The following MECOM variants were observed in gnomAD, a reference collection of about 807,000 sequenced individuals.
MECOM encodes histone-lysine N-methyltransferase MECOM.
Under a neutral mutation model 116.3 loss-of-function variants are expected in MECOM, and 13 were observed. That is an observed-to-expected ratio of 0.11 (90% confidence interval 0.07 to 0.18). The LOEUF (loss-of-function observed/expected upper bound fraction) is 0.18. Ranked by LOEUF, MECOM falls within the 10% of genes least tolerant of loss-of-function variation. The pLI, the probability that MECOM is intolerant of heterozygous loss-of-function variation, is 1.00. For missense variants in MECOM, 1,299 were observed against 1,509.0 expected, an observed-to-expected ratio of 0.86 and a Z score of 2.31; for synonymous variants, 528 against 535.2, an observed-to-expected ratio of 0.99 and a Z score of 0.19.
chr3:169,505,024 G>A (rs564624644), intron 1 of MECOM, among the ~76,000 whole-genome samples: 2 of 152,186 alleles, frequency 1.3e-5, no homozygotes, highest in Admixed American at 1.3e-4. Context: ...ACTGACACAT[G>A]ACTGTTCTCT....
At chr3:169,110,664 T>C (rs771511803) in intron 9 of MECOM, among the ~76,000 whole-genome samples, 9 of 152,186 alleles carry the variant, frequency 5.9e-5, no homozygotes, top group Non-Finnish European at 1.2e-4. Context: ...ACATTGGCAG[T>C]TGATGCAGCA....
chr3:169,143,654 C>CT (rs1361430160), intron 3 of MECOM, 44 bp downstream of exon 3: 1 of 1,494,242 alleles, frequency 6.7e-7, no homozygotes, highest in Admixed American at 2.1e-5. Flanking sequence ...TCCAGTGATA[C>CT]TTTTGTGCTC....
chr3:169,195,546 C>T lies in MECOM; in HGVS notation c.376-51714G>A, dbSNP rs193265891. On this transcript the variant is annotated intron_variant, in intron 2 of 16. Coordinates refer to ENST00000651503, the MANE Select transcript of MECOM (RefSeq NM_004991.4). ...TAGGTTGTGAGATAACTTTTATTAACGCCAGTTAATTCCTTCCTCAGGCCT... is the reference window on the plus strand; with the variant it reads ...TAGGTTGTGAGATAACTTTTATTAATGCCAGTTAATTCCTTCCTCAGGCCT... Among the ~76,000 whole-genome samples, 503 of 152,130 alleles carry T rather than the reference C, an allele frequency of 3.3e-3. 2 individuals are homozygous for T. The highest frequency in any genetic ancestry group is 5.6e-3 in the Non-Finnish European group (384 of 67,972).
At chr3:169,256,306 G>A (rs535870541) in intron 2 of MECOM, among the ~76,000 whole-genome samples, 4 of 150,766 alleles carry the variant, frequency 2.7e-5, no homozygotes, top group Non-Finnish European at 5.9e-5. Flanking sequence ...CTACTGTGAC[G>A]TAAAGGATAT....
rs542542502 is a variant in MECOM, at chr3:169,346,603, AG to A, written c.375+34583del. 5.0e-3 allele frequency among the ~76,000 whole-genome samples: 766 copies of A among 152,104 alleles called. 5 individuals are homozygous for A. Among genetic ancestry groups the A allele is most frequent in the African/African-American group, 0.017 (712 of 41,530 alleles). On this transcript the variant is annotated intron_variant, in intron 2 of 16. Transcript: ENST00000651503. ...AAGTCATTTTATGTCAGCAAGCCACAGGGGGAAAAAATGCACTTCAATGACA... is the reference window on the plus strand; with the variant it reads ...AAGTCATTTTATGTCAGCAAGCCACAGGGGAAAAAATGCACTTCAATGACA...
intron 1 of MECOM, among the ~76,000 whole-genome samples, chr3:169,463,675 T>G (rs1578170368): frequency 1.3e-5 from 2 of 152,334 alleles, no homozygotes; most frequent in East Asian, 3.9e-4. Flanking sequence ...TTGTTCTACT[T>G]TGATAGTAAA....
At position 169,611,929 on chromosome 3, in the gene MECOM, T is replaced by C. The variant is rs1222213512; in HGVS notation, c.37+51407A>G. Among the ~76,000 whole-genome samples, 1 of 152,206 alleles carries C rather than the reference T, an allele frequency of 6.6e-6. No individual in the cohort carries two copies. The highest frequency in any genetic ancestry group is 1.5e-5 in the Non-Finnish European group (1 of 68,042). On this transcript the variant is annotated intron_variant, in intron 1 of 16. Coordinates refer to ENST00000651503, the MANE Select transcript of MECOM (RefSeq NM_004991.4). The surrounding 1 kb of genome is among the most constrained non-coding windows in gnomAD (Gnocchi z 4.1). ...ACACGGTTTCTAAATCTCAACGCTATTGACATTTTGAGCCAGATAATTCTT... is the reference window on the plus strand; with the variant it reads ...ACACGGTTTCTAAATCTCAACGCTACTGACATTTTGAGCCAGATAATTCTT...
At chr3:169,250,693 T>C (rs1756143135) in intron 2 of MECOM, among the ~76,000 whole-genome samples, 1 of 152,192 alleles carries the variant, frequency 6.6e-6, no homozygotes, top group South Asian at 2.1e-4. Context: ...ACCATGATTT[T>C]TGATGAAATT....
chr3:169,126,781 G>A (rs1212546127), intron 5 of MECOM, among the ~76,000 whole-genome samples: 2 of 152,012 alleles, frequency 1.3e-5, no homozygotes, highest in East Asian at 3.8e-4. Context: ...GTAACCAGGA[G>A]AAGAGGATAT....
intron 2 of MECOM, among the ~76,000 whole-genome samples, chr3:169,197,405 G>A (rs1378010287): frequency 5.3e-5 from 8 of 151,852 alleles, no homozygotes; most frequent in Admixed American, 4.6e-4. Flanking sequence ...AATGAATAAA[G>A]TCTCCAGTAT....
Position 169,134,773 on chromosome 3 carries a change from T to C in MECOM, c.511-3242A>G, listed in dbSNP as rs372192503. Among the ~76,000 whole-genome samples the C allele has an allele frequency of 5.9e-5, 9 of 152,290 alleles. No individual in the cohort carries two copies. The South Asian group carries it at 1.9e-3, about 32-fold the overall frequency. On this transcript the variant is annotated intron_variant, in intron 3 of 16. Transcript: ENST00000651503. The stretch of plus-strand genomic sequence containing the variant: ...GAATCTAGGGATGTCTACATATAAA[T>C]TTAATTTACTTTCTAATAACATTAA...
intron 1 of MECOM, among the ~76,000 whole-genome samples, chr3:169,567,043 G>A (rs970816283): frequency 2.6e-5 from 4 of 152,208 alleles, no homozygotes; most frequent in South Asian, 2.1e-4. Flanking sequence ...GTGTGTTGAC[G>A]ATGGTTTATG....
chr3:169,589,116 G>A (rs1425382049), intron 1 of MECOM, among the ~76,000 whole-genome samples: 1 of 152,038 alleles, frequency 6.6e-6, no homozygotes, highest in African/African-American at 2.4e-5. Flanking sequence ...GGTAGCTTCT[G>A]AAAATTCCCA....
chr3:169,631,055 G>T (rs1042494614), intron 1 of MECOM, among the ~76,000 whole-genome samples: 5 of 152,236 alleles, frequency 3.3e-5, no homozygotes, highest in Non-Finnish European at 7.3e-5. Context: ...AGATCAGGCT[G>T]CAGGCAGCTC....
At chr3:169,103,254 C>T (rs1724210418) in intron 10 of MECOM, among the ~76,000 whole-genome samples, 1 of 151,932 alleles carries the variant, frequency 6.6e-6, no homozygotes, top group South Asian at 2.1e-4. Context: ...TAGGCATAAG[C>T]TACTGTGCCC....
intron 1 of MECOM, among the ~76,000 whole-genome samples, chr3:169,413,451 G>T (rs1439011599): frequency 1.3e-5 from 2 of 151,638 alleles, no homozygotes; most frequent in Non-Finnish European, 2.9e-5. Context: ...CACCAAGCTA[G>T]CTGCTAGCTG....
chr3:169,470,916 C>T (rs1264622803), intron 1 of MECOM, among the ~76,000 whole-genome samples: 1 of 152,046 alleles, frequency 6.6e-6, no homozygotes, highest in Non-Finnish European at 1.5e-5. Context: ...CTTTTAAATG[C>T]CTAATGTCCT....
At chr3:169,385,223 C>T (rs887680664) in intron 1 of MECOM, among the ~76,000 whole-genome samples, 5 of 151,978 alleles carry the variant, frequency 3.3e-5, no homozygotes, top group African/African-American at 4.8e-5. Flanking sequence ...TAAGCGAGTG[C>T]ATTTAGATTT....
intron 1 of MECOM, among the ~76,000 whole-genome samples, chr3:169,401,037 G>C (rs1735809564): frequency 6.6e-6 from 1 of 152,178 alleles, no homozygotes; most frequent in South Asian, 2.1e-4. Flanking sequence ...TCAAGCGACT[G>C]CCTGTTTGCT....
Sources: allele counts gnomAD v4.1 joint callset (sites outside exome capture counted in the v4.1 genomes callset), GRCh38; gene constraint gnomAD v4.1.1; non-coding constraint Gnocchi (gnomAD v3.1); transcripts MANE v1.5; gene names NCBI Gene and HGNC (gene_info 2026-07-23, HGNC 2026-07-21).